Variants in NKAIN3 observed in about 807,000 individuals in gnomAD.
The protein encoded by NKAIN3 is sodium/potassium transporting ATPase interacting 3.
Under a neutral mutation model 30.2 loss-of-function variants are expected in NKAIN3, and 25 were observed. The ratio of observed to expected loss-of-function variants is 0.83; its 90% CI spans 0.60 to 1.16. The LOEUF is 1.16. Ranked by LOEUF, NKAIN3 falls within the 50% of genes most tolerant of loss-of-function variation. The pLI is 0.00. For missense variants in NKAIN3, 225 were observed against 254.1 expected (o/e 0.89, Z 0.78); for synonymous variants, 91 against 89.6 (o/e 1.02, Z -0.09).
intron 1 of NKAIN3, among the ~76,000 whole-genome samples, chr8:62,326,336 T>C (rs78207317): frequency 0.035 from 5,336 of 151,998 alleles, 343 homozygotes; most frequent in African/African-American, 0.12. Context: ...TTGTTACTTA[T>C]AATTTTGTTA....
At chr8:62,658,806 T>C (rs1322361369) in intron 3 of NKAIN3, among the ~76,000 whole-genome samples, 1 of 152,174 alleles carries the variant, frequency 6.6e-6, no homozygotes, top group Admixed American at 6.5e-5. Context: ...CTCTTCCTTA[T>C]GCCTCCAGGC....
At chr8:62,284,592 T>G (rs549032268) in intron 1 of NKAIN3, among the ~76,000 whole-genome samples, 17 of 152,140 alleles carry the variant, frequency 1.1e-4, no homozygotes, top group Non-Finnish European at 1.9e-4. Flanking sequence ...ATTGCGCCAT[T>G]TCACTTCAGC....
chr8:62,913,850 A>G (rs900825079), intron 4 of NKAIN3, among the ~76,000 whole-genome samples: 27 of 152,228 alleles, frequency 1.8e-4, no homozygotes, highest in Non-Finnish European at 3.2e-4. Context: ...ACTGTTTGAA[A>G]TGTGCTATTT....
intron 3 of NKAIN3, among the ~76,000 whole-genome samples, chr8:62,690,166 C>CA (rs1393966960): frequency 2.0e-5 from 3 of 152,040 alleles, no homozygotes; most frequent in African/African-American, 7.3e-5. Flanking sequence ...TCTCAGGCAC[C>CA]AGTCCCGGAG....
chr8:62,374,840 C>A (rs16928790), intron 1 of NKAIN3, among the ~76,000 whole-genome samples: 21,042 of 152,118 alleles, frequency 0.14, 1,737 homozygotes, highest in East Asian at 0.4. Context: ...ATTTGGAACA[C>A]AGTGGATCTT....
chr8:62,852,769 TG>T (rs1819948492), intron 4 of NKAIN3, among the ~76,000 whole-genome samples: 1 of 152,168 alleles, frequency 6.6e-6, no homozygotes, highest in Non-Finnish European at 1.5e-5. Context: ...CAGTTCTGAG[TG>T]AGTTTCTTAA....
intron 3 of NKAIN3, among the ~76,000 whole-genome samples, chr8:62,714,847 C>T (rs1814839963): frequency 1.3e-5 from 2 of 152,164 alleles, no homozygotes; most frequent in Admixed American, 1.3e-4. Flanking sequence ...CTTTATGCTA[C>T]AAGTATGAGA....
At chr8:62,533,954 G>A (rs1391720073) in intron 1 of NKAIN3, among the ~76,000 whole-genome samples, 1 of 152,136 alleles carries the variant, frequency 6.6e-6, no homozygotes, top group South Asian at 2.1e-4. Context: ...AGAATGTGGG[G>A]TCCATGGAGG....
intron 1 of NKAIN3, among the ~76,000 whole-genome samples, chr8:62,518,522 C>T (rs1297170100): frequency 6.6e-6 from 1 of 152,162 alleles, no homozygotes; most frequent in Admixed American, 6.5e-5. Flanking sequence ...TAGGATAATG[C>T]ATGTGAACCG....
chr8:62,628,233 C>T (rs912929948), intron 3 of NKAIN3, among the ~76,000 whole-genome samples: 8 of 152,222 alleles, frequency 5.3e-5, no homozygotes, highest in South Asian at 4.2e-4. Flanking sequence ...GAGAGGAAAG[C>T]GGGCCCACAT....
At chr8:62,539,938 G>A (rs190360128) in intron 1 of NKAIN3, among the ~76,000 whole-genome samples, 174 of 152,186 alleles carry the variant, frequency 1.1e-3, no homozygotes, top group Non-Finnish European at 2.1e-3. Flanking sequence ...CAAACAAAAG[G>A]CAATAAATGA....
chr8:62,485,155 T>A (rs1310849986), intron 1 of NKAIN3, among the ~76,000 whole-genome samples: 1 of 152,034 alleles, frequency 6.6e-6, no homozygotes, highest in Non-Finnish European at 1.5e-5. Flanking sequence ...TGCTAAATTC[T>A]GGTGCCTCCT....
intron 1 of NKAIN3, among the ~76,000 whole-genome samples, chr8:62,457,190 T>G (rs1363001649): frequency 6.6e-6 from 1 of 152,064 alleles, no homozygotes; most frequent in Admixed American, 6.6e-5. Flanking sequence ...CTGCCTTAGG[T>G]GGGGGATATA....
At chr8:62,367,404 G>A (rs1041302134) in intron 1 of NKAIN3, among the ~76,000 whole-genome samples, 1 of 152,122 alleles carries the variant, frequency 6.6e-6, no homozygotes, top group Admixed American at 6.5e-5. Flanking sequence ...GGGCTGCAAG[G>A]ATGGTTCAAT....
At chr8:62,907,696 C>A (rs1189147966) in intron 4 of NKAIN3, among the ~76,000 whole-genome samples, 2 of 152,174 alleles carry the variant, frequency 1.3e-5, no homozygotes, top group Non-Finnish European at 2.9e-5. Context: ...GCCTTGGCAG[C>A]ATACACGTGG....
intron 4 of NKAIN3, among the ~76,000 whole-genome samples, chr8:62,875,506 C>T (rs192928792): frequency 9.7e-4 from 147 of 151,904 alleles, no homozygotes; most frequent in Middle Eastern, 6.8e-3. Flanking sequence ...TCAAACACCT[C>T]GTATAGTCAA....
chr8:62,829,947 C>T (rs1473359030), intron 4 of NKAIN3, among the ~76,000 whole-genome samples: 1 of 152,140 alleles, frequency 6.6e-6, no homozygotes. Flanking sequence ...ATAATTGCTA[C>T]ATCTGCTTCA....
Position 62,345,637 on chromosome 8 carries a change from ATG to A in NKAIN3, c.54+96512_54+96513del, listed in dbSNP as rs1563943084. On this transcript the variant is annotated intron_variant, in intron 1 of 6. Coordinates refer to ENST00000623646, the MANE Select transcript of NKAIN3 (RefSeq NM_001304533.3). Reference sequence around the variant, plus strand: ...TATACACACATATATATACACATATATGTATATATACACATATATACATATGT... The same window carrying A: ...TATACACACATATATATACACATATATATATATACACATATATACATATGT... Among the ~76,000 whole-genome samples the A allele has an allele frequency of 7.1e-5, 10 of 141,844 alleles. No individual in the cohort carries two copies. In the East Asian group the frequency reaches 2.0e-3, roughly 28 times the overall value. 93.1% of individuals were successfully genotyped at this position (141,844 alleles called of 152,430 possible).
chr8:62,606,920 C>T (rs572314380), intron 3 of NKAIN3, among the ~76,000 whole-genome samples: 2 of 152,222 alleles, frequency 1.3e-5, no homozygotes, highest in South Asian at 4.1e-4. Context: ...GTAGTTATTT[C>T]CTACATACAA....
Sources: allele counts gnomAD v4.1 joint callset (sites outside exome capture counted in the v4.1 genomes callset), GRCh38; gene constraint gnomAD v4.1.1; transcripts MANE v1.5; gene names NCBI Gene and HGNC (gene_info 2026-07-23, HGNC 2026-07-21).